ERO1B: variants seen among roughly 807,000 people sequenced by gnomAD.
The protein encoded by ERO1B is ERO1-like protein beta.
ERO1B carries 49 observed loss-of-function variants against 75.3 expected under a neutral mutation model. That is an observed-to-expected ratio of 0.65 (90% confidence interval 0.52 to 0.83). The LOEUF (loss-of-function observed/expected upper bound fraction) is 0.83. Ranked by LOEUF, ERO1B falls within the 40% of genes least tolerant of loss-of-function variation. The pLI is 0.00. For missense variants in ERO1B, 512 were observed against 560.1 expected (o/e 0.91, Z 0.87); for synonymous variants, 191 against 192.9 (o/e 0.99, Z 0.08).
chr1:236,229,664 T>C (rs561184438), intron 10 of ERO1B, among the ~76,000 whole-genome samples: 9 of 152,296 alleles, frequency 5.9e-5, no homozygotes, highest in Admixed American at 5.2e-4. Flanking sequence ...ACCTGAGTTA[T>C]TAAAATCCTA....
At chr1:236,279,055 T>C (rs894795445) in intron 1 of ERO1B, among the ~76,000 whole-genome samples, 3 of 152,222 alleles carry the variant, frequency 2.0e-5, no homozygotes, top group African/African-American at 7.2e-5. Flanking sequence ...AATACCAACA[T>C]ACTGTATAGA....
chr1:236,221,051 T>C (rs942103948), intron 14 of ERO1B, 86 bp from the exon 15 acceptor site: 1 of 1,032,912 alleles, frequency 9.7e-7, no homozygotes, highest in Non-Finnish European at 1.3e-6. Flanking sequence ...GCCACTGTTA[T>C]GCCAGTTAGG....
Position 236,236,333 on chromosome 1 carries a change from T to TA in ERO1B, c.570dup (p.Lys191Ter), listed in dbSNP as rs1330963190. 6.2e-7 allele frequency: 1 copy of TA among 1,614,120 alleles called. No homozygotes were observed. The highest frequency in any genetic ancestry group is 1.7e-5 in the Admixed American group (1 of 60,014). On this transcript the variant is annotated frameshift_variant, in exon 7 of 16. Transcript: ENST00000354619. LOFTEE classifies it high-confidence loss of function. ...CACACTCTCCATGCAGAGGTCCCTT[T>TA]ATAGCCAGTGTAACGCTCTGGGTTC...
intron 7 of ERO1B, 104 bp from the exon 8 acceptor site, chr1:236,235,939 T>C: frequency 9.7e-7 from 1 of 1,027,216 alleles, no homozygotes; most frequent in Non-Finnish European, 1.4e-6. Flanking sequence ...CCTCTTTTTT[T>C]TTTGAGACAG....
At chr1:236,230,932 TAA>T (rs35701190) in intron 9 of ERO1B, among the ~76,000 whole-genome samples, 9 of 147,064 alleles carry the variant, frequency 6.1e-5, no homozygotes, top group African/African-American at 2.0e-4. Context: ...CTGCCTCTTT[TAA>T]AAAAAAAAAG....
intron 1 of ERO1B, among the ~76,000 whole-genome samples, chr1:236,277,899 C>CT (rs1268500722): frequency 6.6e-6 from 1 of 152,112 alleles, no homozygotes; most frequent in East Asian, 1.9e-4. Flanking sequence ...TCTTTAAAAT[C>CT]TTTTTTCCCT....
At chr1:236,240,325 A>C (rs1664669059) in intron 6 of ERO1B, among the ~76,000 whole-genome samples, 2 of 152,168 alleles carry the variant, frequency 1.3e-5, no homozygotes. Context: ...TAACTCATAT[A>C]TCTCTTAAAC....
intron 2 of ERO1B, among the ~76,000 whole-genome samples, chr1:236,264,683 T>C (rs1467320534): frequency 6.6e-6 from 1 of 151,698 alleles, no homozygotes; most frequent in Non-Finnish European, 1.5e-5. Flanking sequence ...ATCTCTACTA[T>C]AAATATAAAA....
At chr1:236,263,651 T>C (rs1340853667) in intron 2 of ERO1B, among the ~76,000 whole-genome samples, 4 of 152,206 alleles carry the variant, frequency 2.6e-5, no homozygotes, top group Non-Finnish European at 5.9e-5. Context: ...TGTTCAAATC[T>C]ACTTTTGTGT....
rs1176625718 is a variant in ERO1B at position 236,215,739 on chromosome 1, AT to A, written c.*2776del. 1 of 152,000 alleles carries A rather than the reference AT, an allele frequency of 6.6e-6. No homozygotes were observed. Among genetic ancestry groups the A allele is most frequent in the Non-Finnish European group, 1.5e-5 (1 of 67,966 alleles). The allele number at this position is 152,000 out of a possible 1,614,324, so 9.4% of individuals were successfully genotyped here. The stretch of plus-strand genomic sequence containing the variant: ...ACGATACCATGCACCTAATCTGTGT[AT>A]TTTGGTGAGTAGCTATGGTTTCTGC... On this transcript the variant is annotated 3_prime_UTR_variant, in exon 16 of 16. Transcript: ENST00000354619.
intron 2 of ERO1B, among the ~76,000 whole-genome samples, chr1:236,268,485 A>G (rs1665506682): frequency 6.6e-6 from 1 of 152,128 alleles, no homozygotes; most frequent in African/African-American, 2.4e-5. Context: ...AGCCTAGAAA[A>G]CAAAAAGACA....
intron 8 of ERO1B, among the ~76,000 whole-genome samples, chr1:236,235,453 C>T (rs1664516216): frequency 6.6e-6 from 1 of 152,152 alleles, no homozygotes; most frequent in South Asian, 2.1e-4. Flanking sequence ...AGGATTCTGA[C>T]TTAATTAATA....
rs1301472732 is a variant in ERO1B at position 236,226,502 on chromosome 1, C to T, written c.819G>A (p.Lys273=). ...ANYLLEETWG[K]PSWGPNIKEF... ...CTTTAATATTAGGTCCCCAACTGGGCTTACCCCAGGTTTCTAAAGAGAAAG... is the reference window on the plus strand; with the variant it reads ...CTTTAATATTAGGTCCCCAACTGGGTTTACCCCAGGTTTCTAAAGAGAAAG... Residue 273 remains lysine (K), a synonymous_variant, in exon 12 of 16, where the codon AAG becomes AAA. Transcript: ENST00000354619. 1.9e-6 allele frequency: 3 copies of T among 1,611,942 alleles called. No individual in the cohort carries two copies. The highest frequency in any genetic ancestry group is 1.1e-5 in the South Asian group (1 of 90,364).
intron 1 of ERO1B, among the ~76,000 whole-genome samples, chr1:236,274,390 A>G (rs1252214384): frequency 2.0e-5 from 3 of 152,190 alleles, no homozygotes; most frequent in Non-Finnish European, 4.4e-5. Context: ...TACAATGTTC[A>G]TATGTTTTAT....
chr1:236,276,799 T>C (rs1273704294), intron 1 of ERO1B, among the ~76,000 whole-genome samples: 2 of 152,172 alleles, frequency 1.3e-5, no homozygotes, highest in East Asian at 3.8e-4. Context: ...TTTAAAACAG[T>C]AGAATTAGCA....
At chr1:236,270,636 A>G (rs926362965) in intron 1 of ERO1B, among the ~76,000 whole-genome samples, 1 of 152,202 alleles carries the variant, frequency 6.6e-6, no homozygotes, top group African/African-American at 2.4e-5. Flanking sequence ...AAGTGAATTT[A>G]GAGTCCCAAA....
intron 15 of ERO1B, among the ~76,000 whole-genome samples, chr1:236,219,507 TAA>T (rs1664081651): frequency 6.6e-6 from 1 of 152,216 alleles, no homozygotes; most frequent in Non-Finnish European, 1.5e-5. Context: ...AATTTGGACT[TAA>T]GAGATGCTTA....
chr1:236,264,934 G>A (rs950799658), intron 2 of ERO1B, among the ~76,000 whole-genome samples: 3 of 152,060 alleles, frequency 2.0e-5, no homozygotes, highest in African/African-American at 7.2e-5. Context: ...TCCATTAAAG[G>A]CCCAGGCTTC....
intron 6 of ERO1B, among the ~76,000 whole-genome samples, chr1:236,237,610 C>A (rs1664576758): frequency 6.6e-6 from 1 of 152,072 alleles, no homozygotes; most frequent in Admixed American, 6.6e-5. Context: ...ACGTATATTC[C>A]TTTATTTATA....
Sources: gnomAD v4.1 joint callset for allele counts (sites outside exome capture counted in the v4.1 genomes callset) on GRCh38, gnomAD v4.1.1 for gene constraint, MANE v1.5 for transcripts, NCBI Gene and HGNC (gene_info 2026-07-23, HGNC 2026-07-21) for gene names.